The following LUZP2 variants were observed in gnomAD, a reference collection of about 807,000 sequenced individuals.
LUZP2 encodes the protein leucine zipper protein 2.
Under a neutral mutation model 51.6 loss-of-function variants are expected in LUZP2, and 52 were observed. The ratio of observed to expected loss-of-function variants is 1.01; its 90% CI spans 0.81 to 1.27. LUZP2 has a LOEUF of 1.27. Ranked by LOEUF, LUZP2 falls within the 50% of genes most tolerant of loss-of-function variation. LUZP2 has a pLI of 0.00. For synonymous variants in LUZP2, 154 were observed against 137.3 expected (o/e 1.12, Z -0.85); for missense variants, 436 against 395.4 (o/e 1.10, Z -0.87).
intron 1 of LUZP2, among the ~76,000 whole-genome samples, chr11:24,679,722 C>T (rs758774547): frequency 1.9e-4 from 29 of 152,042 alleles, no homozygotes; most frequent in Admixed American, 1.4e-3. Context: ...AAGAAAAGTG[C>T]GAAATATAGG....
chr11:25,038,524 A>G (rs900198945), intron 9 of LUZP2, among the ~76,000 whole-genome samples: 1 of 152,210 alleles, frequency 6.6e-6, no homozygotes, highest in Admixed American at 6.5e-5. Flanking sequence ...TAAAAATGGC[A>G]GTTACATCTT....
intron 5 of LUZP2, among the ~76,000 whole-genome samples, chr11:24,882,834 GA>G (rs374655133): frequency 6.6e-6 from 1 of 150,472 alleles, no homozygotes; most frequent in Admixed American, 6.7e-5. Context: ...GAGGGAATGA[GA>G]AGGGAGAGAG....
chr11:24,656,960 G>A (rs1245675215), intron 1 of LUZP2, among the ~76,000 whole-genome samples: 1 of 152,136 alleles, frequency 6.6e-6, no homozygotes, highest in Non-Finnish European at 1.5e-5. Context: ...CTTTTGCCAT[G>A]TAACTATTCA....
intron 9 of LUZP2, among the ~76,000 whole-genome samples, chr11:25,008,872 A>T (rs540827276): frequency 3.9e-5 from 6 of 152,092 alleles, no homozygotes; most frequent in Non-Finnish European, 8.8e-5. Flanking sequence ...CGGGCCTGGG[A>T]AAAATACCAT....
chr11:25,073,442 CT>C (rs1859212683), intron 10 of LUZP2, among the ~76,000 whole-genome samples: 1 of 152,154 alleles, frequency 6.6e-6, no homozygotes, highest in Non-Finnish European at 1.5e-5. Flanking sequence ...GAACACATTC[CT>C]TTGTGTCCTG....
chr11:24,847,778 T>A (rs185437988), intron 5 of LUZP2, among the ~76,000 whole-genome samples: 1 of 152,316 alleles, frequency 6.6e-6, no homozygotes, highest in East Asian at 1.9e-4. Flanking sequence ...GTCTACAGAT[T>A]AGTTGGCACT....
chr11:25,064,451 T>G (rs1484064538), intron 10 of LUZP2, among the ~76,000 whole-genome samples: 1 of 152,018 alleles, frequency 6.6e-6, no homozygotes, highest in Admixed American at 6.6e-5. Flanking sequence ...GTAAACTTCT[T>G]TTTTTAACTA....
chr11:25,001,790 T>C (rs1162052205), intron 9 of LUZP2, among the ~76,000 whole-genome samples: 1 of 152,228 alleles, frequency 6.6e-6, no homozygotes, highest in East Asian at 1.9e-4. Flanking sequence ...TTTGTCTCTC[T>C]ATCTCTTCCT....
intron 1 of LUZP2, among the ~76,000 whole-genome samples, chr11:24,590,082 A>G (rs960734057): frequency 1.5e-4 from 23 of 152,120 alleles, no homozygotes. Context: ...CACTTCTGGT[A>G]TGTGTACTTG....
At chr11:24,732,238 C>T (rs1858741031) in intron 3 of LUZP2, 50 bp downstream of exon 3, 1 of 1,353,394 alleles carries the variant, frequency 7.4e-7, no homozygotes. Context: ...TGTCAAGCAA[C>T]ATTCAGAAAC....
chr11:24,746,423 G>C (rs959401108), intron 4 of LUZP2, among the ~76,000 whole-genome samples: 15 of 152,138 alleles, frequency 9.9e-5, no homozygotes, highest in African/African-American at 3.4e-4. Flanking sequence ...GAAATCTGCT[G>C]TTAAAGTAAT....
rs755246752 is a variant in LUZP2, at chr11:25,018,603, CTTTTTTTT to C, written c.766-31419_766-31412del. 7.4e-5 allele frequency among the ~76,000 whole-genome samples: 8 copies of C among 108,840 alleles called. No homozygotes were observed. The South Asian group carries it at 2.4e-3, about 33-fold the overall frequency. The allele number at this position is 108,840 out of a possible 152,430, so 71.4% of individuals were successfully genotyped here. A position where few individuals can be genotyped will look rare whatever the true frequency, so the allele number is the denominator to read the frequency against. ...TACTATCATTATTAATTCCTTTTTC[CTTTTTTTT>C]TTTTTTTTTTTTTTTAAAGACACTC... is the stretch of plus-strand genomic sequence containing the variant. On this transcript the variant is annotated intron_variant, in intron 9 of 11. Transcript: ENST00000336930.
At chr11:24,641,141 C>T (rs1412647739) in intron 1 of LUZP2, among the ~76,000 whole-genome samples, 1 of 151,486 alleles carries the variant, frequency 6.6e-6, no homozygotes, top group Non-Finnish European at 1.5e-5. Flanking sequence ...TCTCAAACTT[C>T]TGGCCTCAAG....
intron 1 of LUZP2, among the ~76,000 whole-genome samples, chr11:24,658,517 A>G (rs1590307285): frequency 6.6e-6 from 1 of 152,316 alleles, no homozygotes; most frequent in East Asian, 1.9e-4. Context: ...AGGCATGGGC[A>G]AGGACTTCAT....
chr11:24,826,190 A>AAAAAAAAATAT (rs1215786412), intron 5 of LUZP2, among the ~76,000 whole-genome samples: 3 of 67,550 alleles, frequency 4.4e-5, no homozygotes, highest in East Asian at 5.6e-4. Context: ...AAAAAAAAAA[A>AAAAAAAAATAT]ATATATATAT....
intron 1 of LUZP2, among the ~76,000 whole-genome samples, chr11:24,633,850 A>C (rs1447508279): frequency 5.3e-5 from 8 of 151,944 alleles, no homozygotes; most frequent in African/African-American, 1.9e-4. Flanking sequence ...GATATACATT[A>C]ATTACATTCT....
At chr11:24,561,937 C>G (rs578019543) in intron 1 of LUZP2, among the ~76,000 whole-genome samples, 2 of 151,878 alleles carry the variant, frequency 1.3e-5, no homozygotes, top group African/African-American at 4.8e-5. Context: ...CAAATGAAGA[C>G]AGATAGGAAA....
intron 9 of LUZP2, among the ~76,000 whole-genome samples, chr11:25,021,226 G>A (rs920499137): frequency 1.3e-5 from 2 of 151,816 alleles, no homozygotes; most frequent in Non-Finnish European, 1.5e-5. Context: ...ATCTTGATGG[G>A]CAAGCATTCT....
chr11:24,733,013 C>T (rs1041419862), intron 3 of LUZP2, among the ~76,000 whole-genome samples: 11 of 150,128 alleles, frequency 7.3e-5, no homozygotes, highest in South Asian at 2.1e-4. Flanking sequence ...CTGATCACAA[C>T]GCAAAAAACT....
Sources: gnomAD v4.1 joint callset for allele counts (sites outside exome capture counted in the v4.1 genomes callset) on GRCh38, gnomAD v4.1.1 for gene constraint, MANE v1.5 for transcripts, NCBI Gene and HGNC (gene_info 2026-07-23, HGNC 2026-07-21) for gene names.